The following CPLANE1 variants were observed in gnomAD, a reference collection of about 807,000 sequenced individuals.
CPLANE1 encodes the protein ciliogenesis and planar polarity effector complex subunit 1.
Under a neutral mutation model 362.5 loss-of-function variants are expected in CPLANE1, and 263 were observed. The observed-to-expected ratio is 0.73, with a 90% CI of 0.66 to 0.80. The LOEUF is 0.80. Ranked by LOEUF, CPLANE1 falls within the 30% of genes least tolerant of loss-of-function variation. The pLI is 0.00. For missense variants in CPLANE1, 3,461 were observed against 3,793.4 expected (o/e 0.91, Z 2.30); for synonymous variants, 1,212 against 1,302.6 (o/e 0.93, Z 1.50).
chr5:37,198,448 C>G (rs1266358085), intron 20 of CPLANE1, among the ~76,000 whole-genome samples: 1 of 151,086 alleles, frequency 6.6e-6, no homozygotes, highest in Non-Finnish European at 1.5e-5. Flanking sequence ...AAAAAAAAAA[C>G]TGTAATTGCC....
At position 37,142,426 on chromosome 5, in the gene CPLANE1, G is replaced by C. The variant is rs1770046675; in HGVS notation, c.8516C>G (p.Ser2839Ter). Residue 2839 changes from serine to a stop codon, truncating the protein, a stop_gained, in exon 44 of 53, where the codon TCA becomes TGA. Coordinates refer to ENST00000651892, the MANE Select transcript of CPLANE1 (RefSeq NM_001384732.1). LOFTEE classifies it high-confidence loss of function. Reference sequence around the variant, plus strand: ...TTCTGTTATTGAAAATTCAGGTTCTGAAGTCTCCTTTTTGTCACTTTGATC... The same window carrying C: ...TTCTGTTATTGAAAATTCAGGTTCTCAAGTCTCCTTTTTGTCACTTTGATC... ...EEDQSDKKET[S>*]EPEFSITENY... 3 of 1,608,996 alleles carry C rather than the reference G, an allele frequency of 1.9e-6. No homozygotes were observed. The highest frequency in any genetic ancestry group is 2.5e-6 in the Non-Finnish European group (3 of 1,177,948).
Position 37,180,091 on chromosome 5 carries a change from T to C in CPLANE1, c.5663A>G (p.Asp1888Gly), listed in dbSNP as rs780435133. The C allele has an allele frequency of 1.3e-6, 2 of 1,566,194 alleles. No individual in the cohort carries two copies. Among genetic ancestry groups the C allele is most frequent in the African/African-American group, 2.7e-5 (2 of 73,112 alleles). Reference sequence around the variant, plus strand: ...TACTTCTAAAAGATTCTCATCAATATCTATAAATTCTTTTTTAGTATTATG... The same window carrying C: ...TACTTCTAAAAGATTCTCATCAATACCTATAAATTCTTTTTTAGTATTATG... ...ITHNTKKEFIDIDENLLEVEA... is the reference protein window; with the variant it reads ...ITHNTKKEFIGIDENLLEVEA... Residue 1888 changes from aspartate to glycine, a missense_variant, in exon 28 of 53, where the codon GAT becomes GGT. Transcript: ENST00000651892.
chr5:37,173,471 T>C (rs931409607), intron 32 of CPLANE1, among the ~76,000 whole-genome samples: 1 of 152,032 alleles, frequency 6.6e-6, no homozygotes. Context: ...TAGAATTTTT[T>C]TTTCCTAGTA....
chr5:37,192,853 CA>C (rs1167999028), intron 21 of CPLANE1, among the ~76,000 whole-genome samples: 211 of 74,860 alleles, frequency 2.8e-3, no homozygotes, highest in Admixed American at 3.4e-3. Context: ...TAGACTCCAT[CA>C]AAAAAAAAAA....
At chr5:37,236,723 CAAA>C (rs544613605) in intron 8 of CPLANE1, among the ~76,000 whole-genome samples, 2 of 102,594 alleles carry the variant, frequency 1.9e-5, no homozygotes, top group Admixed American at 1.0e-4. Context: ...ACTCAACAAG[CAAA>C]AAAAAAAAAA....
At chr5:37,162,169 C>A (rs1374586839) in intron 38 of CPLANE1, among the ~76,000 whole-genome samples, 3 of 152,184 alleles carry the variant, frequency 2.0e-5, no homozygotes, top group African/African-American at 7.2e-5. Context: ...CAACCTTGGG[C>A]ATGCAATTCC....
chr5:37,163,690 C>A (rs563924464), intron 37 of CPLANE1, among the ~76,000 whole-genome samples: 1 of 152,190 alleles, frequency 6.6e-6, no homozygotes, highest in South Asian at 2.1e-4. Flanking sequence ...TCTAACGAGC[C>A]CCTTTTGATC....
At chr5:37,132,327 G>C (rs535402320) in intron 46 of CPLANE1, among the ~76,000 whole-genome samples, 14 of 141,800 alleles carry the variant, frequency 9.9e-5, no homozygotes, top group South Asian at 9.0e-4. Flanking sequence ...TTGCTTATTC[G>C]ATTGTTCAAG....
chr5:37,225,627 G>A (rs997857958), intron 12 of CPLANE1, among the ~76,000 whole-genome samples: 15 of 152,108 alleles, frequency 9.9e-5, no homozygotes, highest in East Asian at 5.9e-4. Flanking sequence ...TGAAGCGGGC[G>A]GATCACCTGA....
chr5:37,208,050 G>A (rs1191107168), intron 16 of CPLANE1, among the ~76,000 whole-genome samples: 1 of 152,162 alleles, frequency 6.6e-6, no homozygotes, highest in Non-Finnish European at 1.5e-5. Context: ...CTGGGCTCAA[G>A]CAATCCTCCT....
intron 50 of CPLANE1, among the ~76,000 whole-genome samples, chr5:37,117,096 A>G (rs778874687): frequency 3.9e-5 from 6 of 152,200 alleles, no homozygotes; most frequent in Non-Finnish European, 8.8e-5. Flanking sequence ...GGCATATGGT[A>G]TTATTCTCTG....
chr5:37,108,488 A>C lies in CPLANE1; in HGVS notation c.9401-17T>G, dbSNP rs1243645397. On this transcript the variant is annotated splice_polypyrimidine_tract_variant and intron_variant, in intron 51 of 52. Transcript: ENST00000651892. ...CATTAGAGCCTTTTAAGGGATAAGA[A>C]CAAAGCACACATTGGGATTGATTCA... The C allele has an allele frequency of 3.8e-6, 6 of 1,594,730 alleles. No homozygotes were observed. The highest frequency in any genetic ancestry group is 5.1e-6 in the Non-Finnish European group (6 of 1,171,528).
chr5:37,186,845 G>A (rs373702687), intron 23 of CPLANE1, among the ~76,000 whole-genome samples: 69 of 152,100 alleles, frequency 4.5e-4, no homozygotes, highest in African/African-American at 1.6e-3. Context: ...AGATCACGAG[G>A]TCAGGAGATC....
intron 16 of CPLANE1, among the ~76,000 whole-genome samples, chr5:37,207,206 C>T (rs1358596595): frequency 1.3e-5 from 2 of 152,196 alleles, no homozygotes; most frequent in African/African-American, 4.8e-5. Context: ...GATTTTTACT[C>T]ATTCTCTCAA....
In CPLANE1 at chr5:37,184,966, C is replaced by T; in HGVS notation, c.4303G>A (p.Glu1435Lys). Residue 1435 changes from glutamate (E) to lysine (K), a missense_variant, in exon 25 of 53, where the codon GAA becomes AAA. Physicochemically the swap from Glu to Lys is moderately conservative, Grantham distance 56 (BLOSUM62 1). Coordinates refer to ENST00000651892, the MANE Select transcript of CPLANE1 (RefSeq NM_001384732.1). ...NIGSFEVNIW[E>K]PIEEEKPDEA... ...TCTGGTTTCTCTTCTTCAATTGGTT[C>T]CCATATATTCACTTCAAAAGAGCCT... The T allele has an allele frequency of 6.2e-7, 1 of 1,614,078 alleles. No individual in the cohort carries two copies. Among genetic ancestry groups the T allele is most frequent in the South Asian group, 1.1e-5 (1 of 91,076 alleles).
intron 8 of CPLANE1, among the ~76,000 whole-genome samples, chr5:37,238,109 T>C (rs1239220325): frequency 1.3e-5 from 2 of 151,774 alleles, no homozygotes; most frequent in East Asian, 3.9e-4. Context: ...AGCCCGAGAG[T>C]TCAACGCTGC....
At chr5:37,117,231 C>T (rs924017843) in intron 50 of CPLANE1, among the ~76,000 whole-genome samples, 16 of 151,308 alleles carry the variant, frequency 1.1e-4, no homozygotes, top group African/African-American at 3.6e-4. Flanking sequence ...GTTCAATGTT[C>T]GAGTATTTCA....
In CPLANE1 at chr5:37,184,886, T is replaced by C. The variant is rs1345100476; in HGVS notation, c.4383A>G (p.Thr1461=). ...CCACAGAATCTCCTAGTTCTGTGAG[T>C]GTACTTCTGCTCAAACTAGTCCCCA... ...YSLGTSLSRS[T]LTELGDSVVH... The change falls in exon 25 of 53, where the codon ACA becomes ACG. Residue 1461 remains threonine, a synonymous_variant. Transcript: ENST00000651892. The C allele has an allele frequency of 1.9e-6, 3 of 1,613,996 alleles. No individual in the cohort carries two copies. Among genetic ancestry groups the C allele is most frequent in the Non-Finnish European group, 2.5e-6 (3 of 1,179,980 alleles).
Position 37,121,796 on chromosome 5 carries a change from G to A in CPLANE1, c.9018-12C>T. 5 of 1,606,690 alleles carry A rather than the reference G, an allele frequency of 3.1e-6. No homozygotes were observed. Among genetic ancestry groups the A allele is most frequent in the Non-Finnish European group, 4.3e-6 (5 of 1,174,184 alleles). Reference sequence around the variant, plus strand: ...CAGAGAGCAGCAATCTGTAGACAAAGAATTAAGCATCATTTATTAAGAGTC... The same window carrying A: ...CAGAGAGCAGCAATCTGTAGACAAAAAATTAAGCATCATTTATTAAGAGTC... On this transcript the variant is annotated splice_polypyrimidine_tract_variant and intron_variant, in intron 48 of 52. Transcript: ENST00000651892.
Sources: gnomAD v4.1 joint callset for allele counts (sites outside exome capture counted in the v4.1 genomes callset) on GRCh38, gnomAD v4.1.1 for gene constraint, MANE v1.5 for transcripts, NCBI Gene and HGNC (gene_info 2026-07-23, HGNC 2026-07-21) for gene names.